PCDH15: variants seen among roughly 807,000 people sequenced by gnomAD.
PCDH15 encodes protocadherin related 15.
PCDH15 carries 129 observed loss-of-function variants against 178.5 expected under a neutral mutation model. The observed-to-expected ratio is 0.72, with a 90% CI of 0.63 to 0.84. The LOEUF is 0.84. Ranked by LOEUF, PCDH15 falls within the 40% of genes least tolerant of loss-of-function variation. The pLI is 0.00. For missense variants in PCDH15, 2,230 were observed against 2,099.9 expected, an observed-to-expected ratio of 1.06 and a Z score of -1.21; for synonymous variants, 800 against 732.0, an observed-to-expected ratio of 1.09 and a Z score of -1.50.
upstream of PCDH15, among the ~76,000 whole-genome samples, chr10:55,324,330 C>G (rs1318339859): frequency 6.6e-6 from 1 of 152,076 alleles, no homozygotes; most frequent in East Asian, 1.9e-4. Flanking sequence ...CAACTGTATG[C>G]TGCCTTTAAG....
In PCDH15 at chr10:53,838,124, C is replaced by T. The variant is rs182966136; in HGVS notation, c.3983+2196G>A. Among the ~76,000 whole-genome samples, 887 of 151,736 alleles carry T rather than the reference C, an allele frequency of 5.8e-3. 5 individuals are homozygous for T. The highest frequency in any genetic ancestry group is 9.7e-3 in the Non-Finnish European group (656 of 67,846). On this transcript the variant is annotated intron_variant, in intron 29 of 37. Transcript: ENST00000644397. The stretch of plus-strand genomic sequence containing the variant: ...CCAAGTGGCTGGGACTACAGGTGCC[C>T]GCCACCATGCCCGGCTAATTTTTTG...
At chr10:54,294,801 A>G (rs1473434442) in intron 8 of PCDH15, among the ~76,000 whole-genome samples, 1 of 151,892 alleles carries the variant, frequency 6.6e-6, no homozygotes, top group Non-Finnish European at 1.5e-5. Context: ...AAAAGTAAAC[A>G]CTCCTAATTT....
chr10:53,888,573 T>A (rs2081317870), intron 26 of PCDH15, among the ~76,000 whole-genome samples: 1 of 93,462 alleles, frequency 1.1e-5, no homozygotes, highest in Non-Finnish European at 2.2e-5. Context: ...TTTGATTTTG[T>A]CTGTTTTTTT....
In PCDH15 at chr10:55,012,515, A is replaced by G. The variant is rs149138372; in HGVS notation, c.-79-115015T>C. Among the ~76,000 whole-genome samples, 855 of 152,236 alleles carry G rather than the reference A, an allele frequency of 5.6e-3. 6 individuals carry two copies. The highest frequency in any genetic ancestry group is 0.019 in the African/African-American group (802 of 41,554). Reference sequence around the variant, plus strand: ...GTAATTCCATTTCTTCAGCTCTAATATAGTTGGTAGCCTACAGTGCCCAGT... The same window carrying G: ...GTAATTCCATTTCTTCAGCTCTAATGTAGTTGGTAGCCTACAGTGCCCAGT... On this transcript the variant is annotated intron_variant, in intron 2 of 5. Coordinates refer to the PCDH15 transcript ENST00000458638.
At chr10:55,603,167 G>A (rs1463285188) in intron 2 of PCDH15, among the ~76,000 whole-genome samples, 1 of 152,108 alleles carries the variant, frequency 6.6e-6, no homozygotes, top group African/African-American at 2.4e-5. Context: ...ATGAAATGAA[G>A]CGAGAAGGGA....
chr10:54,760,155 CT>C (rs780816496), intron 1 of PCDH15, among the ~76,000 whole-genome samples: 33 of 152,102 alleles, frequency 2.2e-4, no homozygotes, highest in South Asian at 8.3e-4. Context: ...TGTTGACAAC[CT>C]TAATCATAAA....
At chr10:53,941,805 A>C (rs1249047714) in intron 23 of PCDH15, among the ~76,000 whole-genome samples, 1 of 152,202 alleles carries the variant, frequency 6.6e-6, no homozygotes, top group African/African-American at 2.4e-5. Flanking sequence ...CTGTTGCCCC[A>C]TATTCTAACC....
At chr10:54,145,806 C>A (rs111540512) in intron 14 of PCDH15, among the ~76,000 whole-genome samples, 229 of 152,130 alleles carry the variant, frequency 1.5e-3, no homozygotes, top group African/African-American at 5.4e-3. Context: ...TTCATCTTGA[C>A]AATGAGGCTC....
intron 13 of PCDH15, among the ~76,000 whole-genome samples, chr10:54,171,636 C>G (rs1053423766): frequency 1.3e-5 from 2 of 152,094 alleles, no homozygotes; most frequent in Admixed American, 1.3e-4. Context: ...CAAACTGCCA[C>G]TCTTAACTCT....
intron 23 of PCDH15, among the ~76,000 whole-genome samples, chr10:53,943,863 C>A (rs1286710120): frequency 1.3e-5 from 2 of 151,938 alleles, no homozygotes; most frequent in Admixed American, 1.3e-4. Context: ...TTAAAAATAT[C>A]AATTATTTTC....
intron 2 of PCDH15, among the ~76,000 whole-genome samples, chr10:55,436,607 C>T (rs1173445822): frequency 6.6e-6 from 1 of 151,934 alleles, no homozygotes; most frequent in African/African-American, 2.4e-5. Context: ...TAACTACCAT[C>T]GAGAAGTTCA....
At chr10:53,869,156 TTAGA>T (rs1410239136) in intron 26 of PCDH15, among the ~76,000 whole-genome samples, 3 of 152,154 alleles carry the variant, frequency 2.0e-5, no homozygotes, top group Non-Finnish European at 4.4e-5. Flanking sequence ...GCTAATCACT[TTAGA>T]TAGTTTATAT....
intron 16 of PCDH15, among the ~76,000 whole-genome samples, chr10:54,083,542 G>A (rs1439637157): frequency 6.6e-6 from 1 of 152,144 alleles, no homozygotes; most frequent in Non-Finnish European, 1.5e-5. Flanking sequence ...GTCACACATT[G>A]CATGATTCCA....
At chr10:55,262,034 G>A (rs1312857264) in intron 1 of PCDH15, among the ~76,000 whole-genome samples, 1 of 150,566 alleles carries the variant, frequency 6.6e-6, no homozygotes, top group Non-Finnish European at 1.5e-5. Context: ...AAAGAAGGGA[G>A]GGAGGGAGGG....
chr10:54,598,760 A>G (rs2134040281), intron 2 of PCDH15, among the ~76,000 whole-genome samples: 1 of 152,264 alleles, frequency 6.6e-6, no homozygotes, highest in Non-Finnish European at 1.5e-5. Context: ...AAGCTGACAA[A>G]CAACTTCAGC....
chr10:54,473,756 A>AT (rs2078081616), intron 3 of PCDH15, among the ~76,000 whole-genome samples: 1 of 151,962 alleles, frequency 6.6e-6, no homozygotes, highest in South Asian at 2.1e-4. Context: ...AGTAAACAAG[A>AT]AATACATGAG....
chr10:55,393,910 G>T (rs1837860124), intron 2 of PCDH15, among the ~76,000 whole-genome samples: 1 of 152,094 alleles, frequency 6.6e-6, no homozygotes, highest in African/African-American at 2.4e-5. Context: ...ACCCAAAAGT[G>T]AACATGGGAT....
intron 3 of PCDH15, among the ~76,000 whole-genome samples, chr10:54,843,451 G>T (rs1383357590): frequency 6.6e-6 from 1 of 151,900 alleles, no homozygotes; most frequent in Non-Finnish European, 1.5e-5. Flanking sequence ...TCTTAATTGT[G>T]ATTTATGTGT....
At chr10:55,217,451 T>A (rs1840738658) in intron 1 of PCDH15, among the ~76,000 whole-genome samples, 1 of 152,016 alleles carries the variant, frequency 6.6e-6, no homozygotes, top group Non-Finnish European at 1.5e-5. Context: ...ATATTTTCTA[T>A]TTTTTATGTT....
Sources: allele counts gnomAD v4.1 joint callset (sites outside exome capture counted in the v4.1 genomes callset), GRCh38; gene constraint gnomAD v4.1.1; transcripts MANE v1.5; gene names NCBI Gene and HGNC (gene_info 2026-07-23, HGNC 2026-07-21).